ATOSA: variants seen among roughly 807,000 people sequenced by gnomAD.
The protein encoded by ATOSA is atos homolog protein A.
the ATOSA span, among the ~76,000 whole-genome samples, chr15:52,704,858 A>G: frequency 6.6e-6 from 1 of 152,018 alleles, no homozygotes; most frequent in Non-Finnish European, 1.5e-5. Context: ...GAAACAACAG[A>G]CCCTGGAGAG....
chr15:52,636,341 C>T, the ATOSA span, among the ~76,000 whole-genome samples: 4 of 151,874 alleles, frequency 2.6e-5, no homozygotes, highest in African/African-American at 4.8e-5. Context: ...ATGAGGTTAC[C>T]AAGTGCTATG....
chr15:52,603,845 G>A, the ATOSA span, among the ~76,000 whole-genome samples: 1 of 152,148 alleles, frequency 6.6e-6, no homozygotes, highest in Non-Finnish European at 1.5e-5. Context: ...TGTGAGGAGG[G>A]AGGGATAAAG....
At chr15:52,633,294 C>T in the ATOSA span, among the ~76,000 whole-genome samples, 4 of 152,140 alleles carry the variant, frequency 2.6e-5, no homozygotes, top group Admixed American at 2.6e-4. Flanking sequence ...TGTTTTCAGC[C>T]AGGACAGAGT....
the ATOSA span, among the ~76,000 whole-genome samples, chr15:52,671,298 A>T: frequency 6.6e-6 from 1 of 152,226 alleles, no homozygotes; most frequent in Non-Finnish European, 1.5e-5. Context: ...AAATTGTGAT[A>T]ACAGCCTAAC....
chr15:52,618,156 A>G, the ATOSA span, among the ~76,000 whole-genome samples: 1 of 152,026 alleles, frequency 6.6e-6, no homozygotes, highest in African/African-American at 2.4e-5. Context: ...CTCCTGCCTC[A>G]GCCTCCTGAG....
At chr15:52,650,448 C>T in the ATOSA span, among the ~76,000 whole-genome samples, 1 of 152,100 alleles carries the variant, frequency 6.6e-6, no homozygotes, top group Non-Finnish European at 1.5e-5. Context: ...TTTTTTTAAT[C>T]TTTAAGGACT....
At chr15:52,599,780 G>A in the ATOSA span, among the ~76,000 whole-genome samples, 3 of 151,996 alleles carry the variant, frequency 2.0e-5, no homozygotes, top group South Asian at 2.1e-4. Flanking sequence ...GATTATGAGG[G>A]GGCTGCTATT....
the ATOSA span, among the ~76,000 whole-genome samples, chr15:52,606,953 G>C: frequency 2.0e-5 from 3 of 152,140 alleles, no homozygotes; most frequent in African/African-American, 7.2e-5. Flanking sequence ...GAAGCCTAAT[G>C]ATTTTTAGAA....
the ATOSA span, among the ~76,000 whole-genome samples, chr15:52,639,858 C>G: frequency 6.6e-6 from 1 of 152,028 alleles, no homozygotes; most frequent in African/African-American, 2.4e-5. Context: ...TCAAGTGGTT[C>G]TCCTGCCTCA....
chr15:52,707,522 A>G, the ATOSA span, among the ~76,000 whole-genome samples: 1 of 152,234 alleles, frequency 6.6e-6, no homozygotes, highest in Non-Finnish European at 1.5e-5. Flanking sequence ...AGACTGAGGA[A>G]TTATTCCAGA....
the ATOSA span, among the ~76,000 whole-genome samples, chr15:52,682,268 G>A: frequency 6.6e-6 from 1 of 151,222 alleles, no homozygotes; most frequent in Non-Finnish European, 1.5e-5. Flanking sequence ...GGGTTGAAAT[G>A]TGTTCTCCCC....
At chr15:52,672,172 C>CAAAAAAAAAAAAAAA in the ATOSA span, among the ~76,000 whole-genome samples, 47 of 62,578 alleles carry the variant, frequency 7.5e-4, 2 homozygotes, top group African/African-American at 3.0e-3. Flanking sequence ...CCCCATTTCT[C>CAAAAAAAAAAAAAAA]AAAAAAAAAA....
the ATOSA span, among the ~76,000 whole-genome samples, chr15:52,676,657 T>C: frequency 6.6e-6 from 1 of 152,222 alleles, no homozygotes; most frequent in Non-Finnish European, 1.5e-5. Flanking sequence ...TTTGGAAATC[T>C]TGATGAATAA....
chr15:52,610,326 A>G, the ATOSA span: 2 of 1,613,968 alleles, frequency 1.2e-6, no homozygotes, highest in Non-Finnish European at 1.7e-6. Flanking sequence ...CAGGAAACAC[A>G]TGCTCAATTG....
At chr15:52,633,893 T>C in the ATOSA span, among the ~76,000 whole-genome samples, 2 of 152,166 alleles carry the variant, frequency 1.3e-5, no homozygotes, top group Non-Finnish European at 2.9e-5. Flanking sequence ...TTGTGGGATT[T>C]ATAACAGTCT....
the ATOSA span, among the ~76,000 whole-genome samples, chr15:52,628,560 C>T: frequency 6.6e-6 from 1 of 152,022 alleles, no homozygotes; most frequent in African/African-American, 2.4e-5. Flanking sequence ...AATTTGTTAC[C>T]ATAACTATTT....
the ATOSA span, chr15:52,581,705 C>G: frequency 1.3e-5 from 2 of 153,000 alleles, no homozygotes; most frequent in Admixed American, 1.3e-4. Flanking sequence ...TTTTCAATAA[C>G]TTAAATGAAC....
At chr15:52,669,305 A>AT in the ATOSA span, among the ~76,000 whole-genome samples, 1 of 152,202 alleles carries the variant, frequency 6.6e-6, no homozygotes, top group Non-Finnish European at 1.5e-5. Flanking sequence ...CATAAAATGA[A>AT]TAATTTTTTG....
At chr15:52,673,104 T>G in the ATOSA span, among the ~76,000 whole-genome samples, 1 of 152,354 alleles carries the variant, frequency 6.6e-6, no homozygotes, top group Non-Finnish European at 1.5e-5. Flanking sequence ...TGTCCAAAAA[T>G]AATAGCAGTT....
Sources: allele counts gnomAD v4.1 joint callset (sites outside exome capture counted in the v4.1 genomes callset), GRCh38; gene constraint gnomAD v4.1.1; transcripts MANE v1.5; gene names NCBI Gene and HGNC (gene_info 2026-07-23, HGNC 2026-07-21).